ACTN2: variants seen among roughly 807,000 people sequenced by gnomAD.
ACTN2 encodes the protein alpha-actinin-2.
A neutral mutation model predicts 113.8 loss-of-function variants in ACTN2; 39 were observed. The observed-to-expected ratio is 0.34, with a 90% CI of 0.27 to 0.45. ACTN2 has a LOEUF of 0.45. ACTN2 is among the 20% of genes least tolerant of loss of function. The probability of loss-of-function intolerance (pLI) is 1.00; values close to 1 mark genes in which losing one functional copy is unlikely to be tolerated. For missense variants in ACTN2, 992 were observed against 1,177.9 expected (o/e 0.84, Z 2.31); for synonymous variants, 429 against 444.1 (o/e 0.97, Z 0.43).
chr1:236,692,569 T>C (rs1296012456), intron 1 of ACTN2, among the ~76,000 whole-genome samples: 1 of 152,128 alleles, frequency 6.6e-6, no homozygotes, highest in African/African-American at 2.4e-5. Context: ...AAGAAGAGGT[T>C]AAAGGCAGGG....
At chr1:236,755,747 C>T (rs1572147170) in intron 17 of ACTN2, among the ~76,000 whole-genome samples, 1 of 69,142 alleles carries the variant, frequency 1.4e-5, no homozygotes, top group Non-Finnish European at 3.4e-5. Flanking sequence ...GCAGAGTGCC[C>T]GCTGCCACTG....
rs539630243 is a variant in ACTN2 at position 236,699,353 on chromosome 1, T to G, written c.126+12554T>G. On this transcript the variant is annotated intron_variant, in intron 1 of 20. Transcript: ENST00000366578. ...CGGAATTTTGAGGCATGGTCCATAT[T>G]GTCATTCCAAGATTTTCCCCCAGTC... Among the ~76,000 whole-genome samples, 9 of 152,326 alleles carry G rather than the reference T, an allele frequency of 5.9e-5. No individual in the cohort carries two copies. In the South Asian group the frequency reaches 8.3e-4, roughly 14 times the overall value.
chr1:236,736,445 C>G, intron 8 of ACTN2: 1 of 663,268 alleles, frequency 1.5e-6, no homozygotes, highest in Non-Finnish European at 2.5e-6. Flanking sequence ...AGGCAAGCTT[C>G]TCTTGTTCCA....
chr1:236,731,682 C>T (rs934824309), intron 7 of ACTN2, among the ~76,000 whole-genome samples: 6 of 152,156 alleles, frequency 3.9e-5, no homozygotes, highest in African/African-American at 1.4e-4. Flanking sequence ...ACAAGTGTAG[C>T]AAATAAATCC....
intron 6 of ACTN2, among the ~76,000 whole-genome samples, chr1:236,728,360 G>T (rs1189683192): frequency 1.3e-5 from 2 of 152,026 alleles, no homozygotes; most frequent in African/African-American, 4.8e-5. Context: ...AGCCAGGATG[G>T]TCTCGATCTC....
At chr1:236,740,137 G>A (rs1047248114) in intron 10 of ACTN2, among the ~76,000 whole-genome samples, 6 of 151,106 alleles carry the variant, frequency 4.0e-5, no homozygotes, top group South Asian at 2.1e-4. Flanking sequence ...TTTTGGAGAC[G>A]GAGTCTCACT....
intron 1 of ACTN2, 54 bp downstream of exon 1, chr1:236,686,853 G>A (rs1048525866): frequency 1.5e-6 from 2 of 1,327,670 alleles, no homozygotes; most frequent in African/African-American, 1.6e-5. Context: ...TCCCCCGCGG[G>A]GCTCCCGTGC....
chr1:236,757,747 A>C (rs1407145661), intron 18 of ACTN2, 115 bp downstream of exon 18: 2 of 1,398,258 alleles, frequency 1.4e-6, no homozygotes, highest in Non-Finnish European at 2.0e-6. Flanking sequence ...ACAGGGAAAC[A>C]GGATAGTTAA....
At chr1:236,750,219 T>C (rs186409416) in intron 14 of ACTN2, among the ~76,000 whole-genome samples, 406 of 152,298 alleles carry the variant, frequency 2.7e-3, no homozygotes, top group African/African-American at 8.9e-3. Flanking sequence ...CTCTTTTTTT[T>C]CTGTAAAATA....
Position 236,731,319 on chromosome 1 carries a change from G to T in ACTN2, c.697+5G>T, listed in dbSNP as rs746819290. The T allele has an allele frequency of 6.2e-7, 1 of 1,611,656 alleles. No homozygotes were observed. Among genetic ancestry groups the T allele is most frequent in the Admixed American group, 1.7e-5 (1 of 60,018 alleles). ...CTAAAATGTTGGATGCTGAAGGTGA[G>T]ATGAAAATTGTGTTTGCTGAGTTAC... On this transcript the variant is annotated splice_donor_5th_base_variant and intron_variant, in intron 7 of 20. Transcript: ENST00000366578.
chr1:236,732,920 C>T (rs1047682871), intron 7 of ACTN2, among the ~76,000 whole-genome samples: 4 of 152,194 alleles, frequency 2.6e-5, no homozygotes, highest in African/African-American at 9.7e-5. Context: ...TGCAGTTCAA[C>T]CCAAAACAGC....
intron 10 of ACTN2, 28 bp downstream of exon 10, chr1:236,739,560 G>C: frequency 6.2e-7 from 1 of 1,611,348 alleles, no homozygotes; most frequent in Non-Finnish European, 8.5e-7. Context: ...AGCCCTCCTG[G>C]CGCCACGGGA....
rs549698133 is a variant in ACTN2, at chr1:236,755,079, A to C, written c.2035A>C (p.Lys679Gln). ...GALEDQMNQL[K>Q]QYEHNIINYK... is the part of the protein sequence containing the mutation. Reference sequence around the variant, plus strand: ...CCTGGAAGACCAGATGAACCAGCTGAAGCAGTATGAGCACAACATCATCAA... The same window carrying C: ...CCTGGAAGACCAGATGAACCAGCTGCAGCAGTATGAGCACAACATCATCAA... Residue 679 changes from lysine to glutamine, a missense_variant, in exon 17 of 21, where the codon AAG (lysine) becomes CAG (glutamine). Physicochemically the swap from Lys to Gln is moderately conservative, Grantham distance 53. Coordinates refer to ENST00000366578, the MANE Select transcript of ACTN2 (RefSeq NM_001103.4). 4.3e-6 allele frequency: 7 copies of C among 1,614,116 alleles called. No homozygotes were observed. The highest frequency in any genetic ancestry group is 5.9e-6 in the Non-Finnish European group (7 of 1,180,052).
intron 4 of ACTN2, among the ~76,000 whole-genome samples, chr1:236,722,493 G>T (rs2102899859): frequency 6.6e-6 from 1 of 152,154 alleles, no homozygotes; most frequent in South Asian, 2.1e-4. Flanking sequence ...AAATTAGCCA[G>T]GTGTGGTGGC....
chr1:236,691,191 C>A (rs1028894750), intron 1 of ACTN2, among the ~76,000 whole-genome samples: 1 of 151,866 alleles, frequency 6.6e-6, no homozygotes. Context: ...GATCTGCCCA[C>A]CTCGGCCTCC....
chr1:236,690,437 C>A (rs941830448), intron 1 of ACTN2, among the ~76,000 whole-genome samples: 2 of 152,180 alleles, frequency 1.3e-5, no homozygotes, highest in African/African-American at 4.8e-5. Flanking sequence ...ATTCATGAGA[C>A]CCAGATGAGT....
At chr1:236,741,987 G>T (rs558370888) in intron 10 of ACTN2, among the ~76,000 whole-genome samples, 1 of 152,180 alleles carries the variant, frequency 6.6e-6, no homozygotes, top group East Asian at 1.9e-4. Context: ...CTTCCCGCAC[G>T]CACAGCACAT....
At position 236,739,394 on chromosome 1, in the gene ACTN2, C is replaced by T. The variant is rs200247458; in HGVS notation, c.969C>T (p.Phe323=). ...CCATGCAGAAGAAGCTGGAGGACTTCCGGGATTACCGCCGGAAGCACAAGC... is the reference window on the plus strand; with the variant it reads ...CCATGCAGAAGAAGCTGGAGGACTTTCGGGATTACCGCCGGAAGCACAAGC... The part of the protein sequence containing the change: ...MQAMQKKLED[F]RDYRRKHKPP... Residue 323 remains phenylalanine, a synonymous_variant, in exon 10 of 21, where the codon TTC becomes TTT. Transcript: ENST00000366578. 138 of 1,613,966 alleles carry T rather than the reference C, an allele frequency of 8.6e-5. No homozygotes were observed. The highest frequency in any genetic ancestry group is 1.1e-4 in the Non-Finnish European group (132 of 1,180,038).
chr1:236,744,577 G>A, intron 11 of ACTN2, 49 bp from the exon 12 acceptor site: 1 of 1,607,290 alleles, frequency 6.2e-7, no homozygotes, highest in South Asian at 1.1e-5. Flanking sequence ...GCATGAGGAA[G>A]CCGCTGTGCC....
Sources: allele counts gnomAD v4.1 joint callset (sites outside exome capture counted in the v4.1 genomes callset), GRCh38; gene constraint gnomAD v4.1.1; transcripts MANE v1.5; gene names NCBI Gene and HGNC (gene_info 2026-07-23, HGNC 2026-07-21).